The following POGZ variants were observed in gnomAD, a reference collection of about 807,000 sequenced individuals.
POGZ encodes the protein pogo transposable element with ZNF domain.
In POGZ, 17 loss-of-function variants were observed where a neutral mutation model predicts 134.6. That is an observed-to-expected ratio of 0.13 (90% CI 0.09 to 0.19). POGZ has a LOEUF of 0.19. Among genes scored for constraint, POGZ ranks in the 10% least tolerant of loss-of-function variants. The pLI, the probability that POGZ is intolerant of heterozygous loss-of-function variation, is 1.00. For missense variants in POGZ, 1,306 were observed against 1,769.7 expected (o/e 0.74, Z 4.70); for synonymous variants, 693 against 657.1 (o/e 1.05, Z -0.84).
chr1:151,413,769 T>C (rs532049100), intron 10 of POGZ, among the ~76,000 whole-genome samples: 58 of 152,070 alleles, frequency 3.8e-4, no homozygotes, highest in Non-Finnish European at 6.6e-4. Context: ...AACCCTGACC[T>C]CCCAAGCTCA....
chr1:151,447,221 A>T (rs1048098247), intron 1 of POGZ, among the ~76,000 whole-genome samples: 1 of 151,984 alleles, frequency 6.6e-6, no homozygotes, highest in African/African-American at 2.4e-5. Flanking sequence ...CCCTGTCTCT[A>T]CTAAAAATAC....
Position 151,427,823 on chromosome 1 carries a change from C to G in POGZ, c.1078G>C (p.Val360Leu). ...RTSGPESSMKVTSSIPVFDLQ... is the reference protein window; with the variant it reads ...RTSGPESSMKLTSSIPVFDLQ... ...CTCAGAGTCTTTCAGGTTATTGTAC[C>G]TTTCATTGAAGACTCAGGTCCGCTG... Residue 360 changes from valine to leucine, a missense_variant and splice_region_variant, in exon 7 of 19, where the codon GTG becomes CTG. This residue lies in a region of POGZ where 541 missense variants were observed against 680.5 expected (regional missense o/e 0.80). Coordinates refer to ENST00000271715, the MANE Select transcript of POGZ (RefSeq NM_015100.4). 1.2e-6 allele frequency: 2 copies of G among 1,601,260 alleles called. No homozygotes were observed. Among genetic ancestry groups the G allele is most frequent in the Non-Finnish European group, 1.7e-6 (2 of 1,168,590 alleles).
At position 151,440,943 on chromosome 1, in the gene POGZ, T is replaced by G; in HGVS notation, c.268A>C (p.Ile90Leu). 6.2e-7 allele frequency: 1 copy of G among 1,613,440 alleles called. No homozygotes were observed. Among genetic ancestry groups the G allele is most frequent in the East Asian group, 2.2e-5 (1 of 44,878 alleles). Residue 90 changes from isoleucine (I) to leucine (L), a missense_variant, in exon 3 of 19, where the codon ATT (isoleucine) becomes CTT (leucine). This residue lies in a region of POGZ where 541 missense variants were observed against 680.5 expected (regional missense o/e 0.80). Coordinates refer to ENST00000271715, the MANE Select transcript of POGZ (RefSeq NM_015100.4). ...TCCCACTTACCATTGTTGTTGGCAA[T>G]TAGTGTGACAAGAGTCTTCTTTGTA... ...DSTKKTLVTL[I>L]ANNNAGNPLV...
At position 151,424,935 on chromosome 1, in the gene POGZ, T is replaced by G. The variant is rs764814943; in HGVS notation, c.1185+20A>C. On this transcript the variant is annotated intron_variant, in intron 8 of 18. Transcript: ENST00000271715. ...AATGGCAGAAGCCACTTAAGCTGGATCACAGGTGATATCACTTACACACAT... is the reference window on the plus strand; with the variant it reads ...AATGGCAGAAGCCACTTAAGCTGGAGCACAGGTGATATCACTTACACACAT... 15 of 1,311,002 alleles carry G rather than the reference T, an allele frequency of 1.1e-5. No homozygotes were observed. In the East Asian group the frequency reaches 3.5e-4, roughly 31 times the overall value. The allele number at this position is 1,311,002 out of a possible 1,614,324, so 81.2% of individuals were successfully genotyped here.
intron 3 of POGZ, among the ~76,000 whole-genome samples, chr1:151,440,186 CT>C (rs113952080): frequency 1.3e-3 from 193 of 144,214 alleles, no homozygotes; most frequent in African/African-American, 4.0e-3. Context: ...TTTTTTGTTC[CT>C]TTTTTTTTTC....
In POGZ at chr1:151,425,743, T is replaced by A. The variant is rs146601810; in HGVS notation, c.1079-682A>T. 3.5e-3 allele frequency among the ~76,000 whole-genome samples: 526 copies of A among 152,350 alleles called. 5 individuals carry two copies. Among genetic ancestry groups the A allele is most frequent in the African/African-American group, 0.012 (504 of 41,590 alleles). ...ATTGTATGTGAATACCACATTTTAT[T>A]TATCCCTTTATCAGTTGATGGACCT... On this transcript the variant is annotated intron_variant, in intron 7 of 18. Coordinates refer to ENST00000271715, the MANE Select transcript of POGZ (RefSeq NM_015100.4).
intron 16 of POGZ, 82 bp from the exon 17 acceptor site, chr1:151,407,105 A>G (rs1474720744): frequency 1.6e-6 from 2 of 1,259,038 alleles, no homozygotes; most frequent in Non-Finnish European, 2.3e-6. Context: ...TAAGAAAGAA[A>G]AGGAATGCCC....
intron 1 of POGZ, among the ~76,000 whole-genome samples, chr1:151,452,041 G>A (rs1318684119): frequency 4.1e-5 from 6 of 147,094 alleles, no homozygotes; most frequent in Admixed American, 1.4e-4. Flanking sequence ...AGGTTGCAGT[G>A]AGCCGAGATG....
chr1:151,419,682 A>C (rs1013712745), intron 10 of POGZ, among the ~76,000 whole-genome samples: 14 of 145,546 alleles, frequency 9.6e-5, no homozygotes, highest in African/African-American at 3.8e-4. Context: ...AAAAAAAAAA[A>C]AAAAAAAAAA....
At position 151,459,490 on chromosome 1, in the gene POGZ, G is replaced by C. The variant is rs1663256930; in HGVS notation, c.-340C>G. On this transcript the variant is annotated 5_prime_UTR_variant, in exon 1 of 19. The change creates a new upstream start codon in the 5' untranslated region. Coordinates refer to ENST00000271715, the MANE Select transcript of POGZ (RefSeq NM_015100.4). The stretch of plus-strand genomic sequence containing the variant: ...CACCGACCCTCTCGCCCCGCGGAGG[G>C]ATACGGCTCGTCACTTCCGCCCTCC... The C allele has an allele frequency of 6.6e-6, 1 of 152,184 alleles. No individual in the cohort carries two copies. The highest frequency in any genetic ancestry group is 6.5e-5 in the Admixed American group (1 of 15,280). The allele number at this position is 152,184 out of a possible 1,614,324, so 9.4% of individuals were successfully genotyped here.
chr1:151,404,629 A>G lies in POGZ; in HGVS notation c.*173T>C. The G allele has an allele frequency of 7.3e-7, 1 of 1,365,100 alleles. No individual in the cohort carries two copies. Among genetic ancestry groups the G allele is most frequent in the African/African-American group, 1.5e-5 (1 of 68,880 alleles). 84.6% of individuals were successfully genotyped at this position (1,365,100 alleles called of 1,614,324 possible). A position where few individuals can be genotyped will look rare whatever the true frequency, so the allele number is the denominator to read the frequency against. ...GACGTGATTACTATTGGTTTTCCTA[A>G]TTAATCCACAAATCCACAGGGAAGT... On this transcript the variant is annotated 3_prime_UTR_variant, in exon 19 of 19. Coordinates refer to ENST00000271715, the MANE Select transcript of POGZ (RefSeq NM_015100.4).
intron 1 of POGZ, among the ~76,000 whole-genome samples, chr1:151,447,055 G>A (rs566848669): frequency 1.3e-5 from 2 of 151,966 alleles, no homozygotes; most frequent in South Asian, 2.1e-4. Context: ...TTGGTATGTA[G>A]GTCTAAAAGA....
chr1:151,433,606 C>CAAAAAAAAAAAAA (rs57509550), intron 3 of POGZ, among the ~76,000 whole-genome samples: 1 of 81,738 alleles, frequency 1.2e-5, no homozygotes. Context: ...AATTCCGTCT[C>CAAAAAAAAAAAAA]AAAAAAAAAA....
intron 10 of POGZ, among the ~76,000 whole-genome samples, chr1:151,421,998 C>CTAAGT (rs1367695834): frequency 6.6e-6 from 1 of 152,232 alleles, no homozygotes; most frequent in East Asian, 1.9e-4. Context: ...ATCCACCCAC[C>CTAAGT]TAAGCCTCCC....
At chr1:151,430,030 G>T (rs949045322) in intron 4 of POGZ, among the ~76,000 whole-genome samples, 1 of 151,606 alleles carries the variant, frequency 6.6e-6, no homozygotes, top group African/African-American at 2.4e-5. Flanking sequence ...GAACAGAAGT[G>T]GGGGTGGGGG....
In POGZ at chr1:151,404,019, A is replaced by G. The variant is rs1454149970; in HGVS notation, c.*783T>C. On this transcript the variant is annotated 3_prime_UTR_variant, in exon 19 of 19. Coordinates refer to ENST00000271715, the MANE Select transcript of POGZ (RefSeq NM_015100.4). ...AATGGGGAAAGGGGCCAAGGATCAC[A>G]AGTGCAAAAAATATTGTTTATGTCA... 2.5e-5 allele frequency: 25 copies of G among 985,294 alleles called. No homozygotes were observed. The highest frequency in any genetic ancestry group is 3.0e-5 in the Non-Finnish European group (25 of 829,892). 61.0% of individuals were successfully genotyped at this position (985,294 alleles called of 1,614,324 possible). A position where few individuals can be genotyped will look rare whatever the true frequency, so the allele number is the denominator to read the frequency against.
intron 11 of POGZ, 55 bp from the exon 12 acceptor site, chr1:151,411,826 C>T: frequency 6.9e-7 from 1 of 1,454,334 alleles, no homozygotes; most frequent in South Asian, 1.4e-5. Context: ...AACTGAGAGG[C>T]CTTAAAAAAA....
intron 15 of POGZ, among the ~76,000 whole-genome samples, chr1:151,407,834 A>T (rs2102161158): frequency 6.6e-6 from 1 of 151,956 alleles, no homozygotes; most frequent in East Asian, 1.9e-4. Context: ...ACAAGGTGAA[A>T]CCCCGTCTCT....
At chr1:151,406,489 AGAG>A (rs1156412195) in intron 18 of POGZ, 25 bp from the exon 19 acceptor site, 1 of 1,557,518 alleles carries the variant, frequency 6.4e-7, no homozygotes, top group African/African-American at 1.4e-5. Flanking sequence ...AGCAAAGAGA[AGAG>A]GAGAAATCTC....
Sources: allele counts gnomAD v4.1 joint callset (sites outside exome capture counted in the v4.1 genomes callset), GRCh38; gene constraint gnomAD v4.1.1; regional missense constraint gnomAD v4.1.1; transcripts MANE v1.5; gene names NCBI Gene and HGNC (gene_info 2026-07-23, HGNC 2026-07-21).